TMEFF1: variants seen among roughly 807,000 people sequenced by gnomAD.
TMEFF1 encodes the protein tomoregulin-1.
A neutral mutation model predicts 47.5 loss-of-function variants in TMEFF1; 20 were observed. The ratio of observed to expected loss-of-function variants is 0.42; its 90% confidence interval spans 0.30 to 0.61. The LOEUF (loss-of-function observed/expected upper bound fraction) is 0.61, where lower values mean the gene tolerates loss of function less well. Ranked by LOEUF, TMEFF1 falls within the 20% of genes least tolerant of loss-of-function variation. The pLI, the probability that TMEFF1 is intolerant of heterozygous loss-of-function variation, is 0.19. For synonymous variants in TMEFF1, 162 were observed against 166.3 expected (o/e 0.97, Z 0.20); for missense variants, 411 against 471.1 (o/e 0.87, Z 1.18).
At chr9:100,493,871 G>T (rs546746888) in intron 1 of TMEFF1, among the ~76,000 whole-genome samples, 2 of 152,254 alleles carry the variant, frequency 1.3e-5, no homozygotes, top group East Asian at 3.9e-4. Flanking sequence ...AGCTAAGGCA[G>T]TGATTCTGTT....
chr9:100,500,961 TG>T (rs1459465174), intron 2 of TMEFF1, among the ~76,000 whole-genome samples: 4 of 152,232 alleles, frequency 2.6e-5, no homozygotes, highest in Non-Finnish European at 5.9e-5. Flanking sequence ...ACTTGGAGTC[TG>T]CCCCATGTGT....
intron 7 of TMEFF1, among the ~76,000 whole-genome samples, chr9:100,556,195 T>C (rs1047640465): frequency 5.3e-5 from 8 of 152,350 alleles, no homozygotes; most frequent in African/African-American, 1.4e-4. Context: ...GTTTTGCCAT[T>C]GCTTCAAACT....
intron 5 of TMEFF1, among the ~76,000 whole-genome samples, chr9:100,533,853 G>A (rs1838450997): frequency 6.6e-6 from 1 of 152,084 alleles, no homozygotes; most frequent in South Asian, 2.1e-4. Flanking sequence ...CGAGTAGCTG[G>A]GATTACAGGC....
chr9:100,480,752 A>C (rs1837324132), intron 1 of TMEFF1, among the ~76,000 whole-genome samples: 1 of 152,230 alleles, frequency 6.6e-6, no homozygotes, highest in African/African-American at 2.4e-5. Context: ...TTATGTATTT[A>C]AGACTAAAAT....
At chr9:100,484,696 CTTT>C (rs762790286) in intron 1 of TMEFF1, among the ~76,000 whole-genome samples, 2 of 138,584 alleles carry the variant, frequency 1.4e-5, no homozygotes, top group Non-Finnish European at 3.2e-5. Flanking sequence ...CACTGACGTA[CTTT>C]TTTTTTTTTT....
intron 5 of TMEFF1, among the ~76,000 whole-genome samples, chr9:100,536,490 T>G (rs1838510843): frequency 6.6e-6 from 1 of 152,208 alleles, no homozygotes; most frequent in Admixed American, 6.5e-5. Flanking sequence ...AAGTTTTGTT[T>G]AAGTAATGGG....
At chr9:100,540,484 C>A (rs980724011) in intron 5 of TMEFF1, among the ~76,000 whole-genome samples, 4 of 152,326 alleles carry the variant, frequency 2.6e-5, no homozygotes, top group Admixed American at 2.0e-4. Context: ...GCCGGCCTTG[C>A]CAAGTGCCCA....
rs752427622 is a variant in TMEFF1 at position 100,497,320 on chromosome 9, C to CTTTTTTTTTTTTTTTTTTTTTT, written c.197-1442_197-1421dup. ...TCTTGCTTTAAGTTTCCACTCATGT[C>CTTTTTTTTTTTTTTTTTTTTTT]TTTTTTTTTTTTTTTTTTTTTTTTG... On this transcript the variant is annotated intron_variant, in intron 1 of 9. Coordinates refer to ENST00000374879, the MANE Select transcript of TMEFF1 (RefSeq NM_003692.5). Among the ~76,000 whole-genome samples the CTTTTTTTTTTTTTTTTTTTTTT allele has an allele frequency of 1.8e-3, 106 of 59,544 alleles. 8 individuals are homozygous for CTTTTTTTTTTTTTTTTTTTTTT. The highest frequency in any genetic ancestry group is 2.3e-3 in the Non-Finnish European group (73 of 32,048). The allele number at this position is 59,544 out of a possible 152,430, so 39.1% of individuals were successfully genotyped here.
At chr9:100,525,063 C>T (rs1376624436) in intron 5 of TMEFF1, among the ~76,000 whole-genome samples, 3 of 152,184 alleles carry the variant, frequency 2.0e-5, no homozygotes, top group Non-Finnish European at 4.4e-5. Flanking sequence ...GCCATCCACA[C>T]AGCTGTCTAT....
At chr9:100,504,750 T>C (rs1837824679) in intron 2 of TMEFF1, among the ~76,000 whole-genome samples, 2 of 152,222 alleles carry the variant, frequency 1.3e-5, no homozygotes, top group Admixed American at 6.5e-5. Context: ...TTTGGCTTTA[T>C]AGCCTTAGCT....
chr9:100,549,813 T>C (rs1332596564), intron 6 of TMEFF1, among the ~76,000 whole-genome samples: 1 of 152,078 alleles, frequency 6.6e-6, no homozygotes, highest in Non-Finnish European at 1.5e-5. Context: ...TCAGAGTAGG[T>C]GTTGTTTTAG....
chr9:100,540,778 A>G (rs1838614066), intron 5 of TMEFF1, among the ~76,000 whole-genome samples: 1 of 152,136 alleles, frequency 6.6e-6, no homozygotes, highest in Admixed American at 6.5e-5. Context: ...GTGAGTGTGG[A>G]TGGTATCTCA....
chr9:100,538,599 G>GAT (rs1838564806), intron 5 of TMEFF1, among the ~76,000 whole-genome samples: 1 of 152,168 alleles, frequency 6.6e-6, no homozygotes, highest in Non-Finnish European at 1.5e-5. Context: ...TATCACATAT[G>GAT]ATAGGTCCCT....
chr9:100,527,779 C>A (rs1429129641), intron 5 of TMEFF1, among the ~76,000 whole-genome samples: 1 of 152,218 alleles, frequency 6.6e-6, no homozygotes, highest in East Asian at 1.9e-4. Flanking sequence ...GGCTCCACCT[C>A]TGGGGGCAGG....
chr9:100,533,342 C>CT (rs570420874), intron 5 of TMEFF1, among the ~76,000 whole-genome samples: 20 of 150,720 alleles, frequency 1.3e-4, no homozygotes, highest in East Asian at 3.9e-4. Context: ...GTTCTATTGC[C>CT]TTTTTTTTTA....
At chr9:100,546,086 C>T (rs1342805346) in intron 5 of TMEFF1, among the ~76,000 whole-genome samples, 1 of 152,216 alleles carries the variant, frequency 6.6e-6, no homozygotes, top group African/African-American at 2.4e-5. Context: ...TTACCCAGTT[C>T]CAAAGTCACT....
chr9:100,543,978 G>A (rs868670480), intron 5 of TMEFF1, among the ~76,000 whole-genome samples: 1 of 152,002 alleles, frequency 6.6e-6, no homozygotes, highest in African/African-American at 2.4e-5. Flanking sequence ...ATTCTCAGGG[G>A]AGCTGGTTTT....
chr9:100,502,016 C>CA lies in TMEFF1; in HGVS notation c.306+3149dup, dbSNP rs558560384. On this transcript the variant is annotated intron_variant, in intron 2 of 9. Coordinates refer to ENST00000374879, the MANE Select transcript of TMEFF1 (RefSeq NM_003692.5). ...TTGAACAATATAAGAAGATATGTAGCAAAAAAAGCTTCCACTCCAGACTGT... is the reference window on the plus strand; with the variant it reads ...TTGAACAATATAAGAAGATATGTAGCAAAAAAAAGCTTCCACTCCAGACTGT... Among the ~76,000 whole-genome samples, 173 of 152,034 alleles carry CA rather than the reference C, an allele frequency of 1.1e-3. 1 individual carries two copies. The highest frequency in any genetic ancestry group is 2.7e-3 in the African/African-American group (110 of 41,498).
chr9:100,489,076 C>T (rs930554364), intron 1 of TMEFF1, among the ~76,000 whole-genome samples: 101 of 152,090 alleles, frequency 6.6e-4, no homozygotes, highest in African/African-American at 2.4e-3. Context: ...TCCCACTACT[C>T]CACACCCCCA....
Sources: allele counts gnomAD v4.1 joint callset (sites outside exome capture counted in the v4.1 genomes callset), GRCh38; gene constraint gnomAD v4.1.1; transcripts MANE v1.5; gene names NCBI Gene and HGNC (gene_info 2026-07-23, HGNC 2026-07-21).